KIAA0825: variants seen among roughly 807,000 people sequenced by gnomAD.
The protein encoded by KIAA0825 is uncharacterized protein KIAA0825.
Under a neutral mutation model 147.6 loss-of-function variants are expected in KIAA0825, and 119 were observed. The ratio of observed to expected loss-of-function variants is 0.81; its 90% CI spans 0.69 to 0.94. The LOEUF is 0.94. Ranked by LOEUF, KIAA0825 falls within the 40% of genes least tolerant of loss-of-function variation. KIAA0825 has a pLI of 0.00. For synonymous variants in KIAA0825, 470 were observed against 518.1 expected (o/e 0.91, Z 1.26); for missense variants, 1,381 against 1,472.7 (o/e 0.94, Z 1.02).
rs551089686 is a variant in KIAA0825, at chr5:94,462,446, A to G, written c.2187T>C (p.His729=). 3 of 1,509,126 alleles carry G rather than the reference A, an allele frequency of 2.0e-6. No homozygotes were observed. The highest frequency in any genetic ancestry group is 2.5e-5 in the East Asian group (1 of 40,528). The allele number at this position is 1,509,126 out of a possible 1,614,324, so 93.5% of individuals were successfully genotyped here. The stretch of plus-strand genomic sequence containing the variant: ...CTAATGTTGTAAACAGATTATTACA[A>G]TGAGTGTGAATTTTAAAAATTTTAT... The part of the protein sequence containing the change: ...TDDKIFKIHT[H]CNNLFTTLVI... The change falls in exon 12 of 21, where the codon CAT becomes CAC. Residue 729 remains histidine, a synonymous_variant. Coordinates refer to ENST00000682413, the MANE Select transcript of KIAA0825 (RefSeq NM_001145678.3).
At chr5:94,444,959 A>C (rs1162501555) in intron 13 of KIAA0825, among the ~76,000 whole-genome samples, 3 of 152,108 alleles carry the variant, frequency 2.0e-5, no homozygotes, top group Non-Finnish European at 4.4e-5. Context: ...ATGGCTGGGG[A>C]GGCCTCAGGA....
chr5:94,306,988 C>G (rs903897363), intron 20 of KIAA0825, among the ~76,000 whole-genome samples: 1 of 151,772 alleles, frequency 6.6e-6, no homozygotes, highest in Non-Finnish European at 1.5e-5. Flanking sequence ...TGTATCTATA[C>G]CCACCTCTAC....
intron 20 of KIAA0825, among the ~76,000 whole-genome samples, chr5:94,336,441 G>C (rs1183860897): frequency 7.0e-6 from 1 of 143,026 alleles, no homozygotes; most frequent in East Asian, 2.0e-4. Context: ...GCCCTAGTGT[G>C]TAATGTTCCC....
chr5:94,378,659 T>G (rs995312749), intron 20 of KIAA0825, among the ~76,000 whole-genome samples: 4 of 152,234 alleles, frequency 2.6e-5, no homozygotes, highest in African/African-American at 9.6e-5. Context: ...AATTCTGTTT[T>G]AAGTTCTTTG....
intron 20 of KIAA0825, among the ~76,000 whole-genome samples, chr5:94,175,146 T>G (rs1329462711): frequency 1.3e-5 from 2 of 152,206 alleles, no homozygotes; most frequent in Non-Finnish European, 2.9e-5. Context: ...ATCCTACATA[T>G]GCTGTCAATT....
intron 20 of KIAA0825, among the ~76,000 whole-genome samples, chr5:94,300,466 T>A (rs1285265303): frequency 1.3e-5 from 2 of 152,040 alleles, no homozygotes; most frequent in African/African-American, 4.8e-5. Context: ...AAATGATGAG[T>A]CTTTGCAAAC....
intron 20 of KIAA0825, among the ~76,000 whole-genome samples, chr5:94,331,043 C>A (rs1781212101): frequency 6.6e-6 from 1 of 151,472 alleles, no homozygotes; most frequent in South Asian, 2.1e-4. Context: ...GATGGTGAGG[C>A]AGGAGAATCG....
intron 12 of KIAA0825, among the ~76,000 whole-genome samples, chr5:94,456,301 C>A (rs947077515): frequency 2.0e-5 from 3 of 152,154 alleles, no homozygotes; most frequent in African/African-American, 7.2e-5. Context: ...TAGATGACTT[C>A]TCTGTCATGT....
chr5:94,315,825 A>C (rs928631181), intron 20 of KIAA0825, among the ~76,000 whole-genome samples: 1 of 151,764 alleles, frequency 6.6e-6, no homozygotes, highest in Non-Finnish European at 1.5e-5. Flanking sequence ...ACTAGAAACA[A>C]ACCAAATTTT....
rs1372844656 is a variant in KIAA0825 at position 94,384,452 on chromosome 5, G to T, written c.3626C>A (p.Thr1209Lys). Residue 1209 changes from threonine to lysine, a missense_variant, in exon 20 of 21, where the codon ACA becomes AAA. Transcript: ENST00000682413. ...SENMLDQVSI[T>K]KWNWNWAKLL... ...CTTTGCCCAATTCCAGTTCCATTTT[G>T]TGATGGCTGACTGTTGATAAATGAG... is the stretch of plus-strand genomic sequence containing the variant. 1 of 1,551,064 alleles carries T rather than the reference G, an allele frequency of 6.4e-7. No homozygotes were observed.
rs11363132 is a variant in KIAA0825 at position 94,151,423 on chromosome 5, CAAAAAAAAAAAAAA to C, written c.*2570_*2583del. ...TGGGCGACAGAGCGAGACTCCGTCTCAAAAAAAAAAAAAAAAAAAAAAAAAAAACATATTGAGTA... is the reference window on the plus strand; with the variant it reads ...TGGGCGACAGAGCGAGACTCCGTCTCAAAAAAAAAAAAAACATATTGAGTA... On this transcript the variant is annotated 3_prime_UTR_variant, in exon 21 of 21. Transcript: ENST00000682413. Among the ~76,000 whole-genome samples the C allele has an allele frequency of 4.2e-4, 9 of 21,548 alleles. 1 individual carries two copies. Among genetic ancestry groups the C allele is most frequent in the Admixed American group, 1.2e-3 (2 of 1,684 alleles). 14.1% of individuals were successfully genotyped at this position (21,548 alleles called of 152,430 possible).
intron 3 of KIAA0825, among the ~76,000 whole-genome samples, chr5:94,531,910 C>T (rs1004950401): frequency 1.3e-5 from 2 of 151,994 alleles, no homozygotes; most frequent in African/African-American, 4.8e-5. Flanking sequence ...TTTGCTCTGG[C>T]TATAAAATAT....
intron 6 of KIAA0825, 93 bp downstream of exon 6, chr5:94,484,675 GT>G: frequency 2.4e-6 from 2 of 820,140 alleles, no homozygotes; most frequent in South Asian, 2.6e-5. Context: ...TTTCATGTGT[GT>G]TTTTTTCAAG....
chr5:94,257,859 A>G (rs1562337863), intron 20 of KIAA0825, among the ~76,000 whole-genome samples: 1 of 152,036 alleles, frequency 6.6e-6, no homozygotes, highest in African/African-American at 2.4e-5. Flanking sequence ...AATTTTACCT[A>G]AAGGCTGGGA....
intron 2 of KIAA0825, chr5:94,569,364 T>G (rs1779409499): frequency 5.4e-6 from 2 of 373,446 alleles, no homozygotes; most frequent in Non-Finnish European, 1.0e-5. Context: ...ACCACACCAC[T>G]AACAATCAAC....
intron 20 of KIAA0825, among the ~76,000 whole-genome samples, chr5:94,333,160 C>T (rs1243362908): frequency 2.6e-5 from 4 of 152,104 alleles, no homozygotes; most frequent in African/African-American, 9.7e-5. Flanking sequence ...GAAAAATTTT[C>T]TCCCATTTTG....
chr5:94,263,605 C>T (rs762092988), intron 20 of KIAA0825, among the ~76,000 whole-genome samples: 9 of 152,136 alleles, frequency 5.9e-5, no homozygotes, highest in Non-Finnish European at 1.3e-4. Context: ...TCAACACATC[C>T]CCAAACAAAC....
At chr5:94,509,519 C>T (rs955245060) in intron 5 of KIAA0825, among the ~76,000 whole-genome samples, 1 of 152,094 alleles carries the variant, frequency 6.6e-6, no homozygotes, top group Non-Finnish European at 1.5e-5. Context: ...TAAGGCAAAG[C>T]CTGAGAGGAT....
rs1397837095 is a variant in KIAA0825, at chr5:94,503,906, CT to C, written c.970+16341del. 2.0e-5 allele frequency among the ~76,000 whole-genome samples: 3 copies of C among 152,140 alleles called. No homozygotes were observed. The East Asian group carries it at 5.8e-4, about 29-fold the overall frequency. On this transcript the variant is annotated intron_variant, in intron 5 of 20. Transcript: ENST00000682413. ...CAGAGTGCTCAGAGCTAGACTTCAT[CT>C]TTAGTTCAAAGTAGCAAGGCACTGA...
Sources: allele counts gnomAD v4.1 joint callset (sites outside exome capture counted in the v4.1 genomes callset), GRCh38; gene constraint gnomAD v4.1.1; transcripts MANE v1.5; gene names NCBI Gene and HGNC (gene_info 2026-07-23, HGNC 2026-07-21).